C10orf67: variants seen among roughly 807,000 people sequenced by gnomAD.
C10orf67 encodes chromosome 10 open reading frame 67.
Under a neutral mutation model 35.6 loss-of-function variants are expected in C10orf67, and 60 were observed. That is an observed-to-expected ratio of 1.68 (90% CI 1.37 to 2.09). C10orf67 has a LOEUF of 2.09. Among genes scored for constraint, C10orf67 ranks in the 30% most tolerant of loss-of-function variants. The probability of loss-of-function intolerance (pLI) is 0.00; values close to 1 mark genes in which losing one functional copy is unlikely to be tolerated. For synonymous variants in C10orf67, 167 were observed against 115.8 expected (o/e 1.44, Z -2.84); for missense variants, 474 against 330.2 (o/e 1.44, Z -3.38).
intron 4 of C10orf67, among the ~76,000 whole-genome samples, chr10:23,305,370 G>T (rs1844237341): frequency 6.6e-6 from 1 of 152,180 alleles, no homozygotes; most frequent in Admixed American, 6.5e-5. Flanking sequence ...AGGCATGGTG[G>T]CTTGTGTCTA....
Position 23,252,638 on chromosome 10 carries a change from G to T in C10orf67, c.1201-1947C>A, listed in dbSNP as rs937067790. ...TTTTTGAGTGAGGACAGAGCTGCCT[G>T]AAATTTCTCATTTGGGCAAGTAGAT... On this transcript the variant is annotated intron_variant, in intron 10 of 15. Transcript: ENST00000636213. Among the ~76,000 whole-genome samples, 5 of 152,228 alleles carry T rather than the reference G, an allele frequency of 3.3e-5. No homozygotes were observed. In the East Asian group the frequency reaches 9.6e-4, roughly 29 times the overall value.
intron 15 of C10orf67, among the ~76,000 whole-genome samples, chr10:23,213,690 T>C (rs1302134480): frequency 6.6e-6 from 1 of 151,984 alleles, no homozygotes; most frequent in African/African-American, 2.4e-5. Context: ...CATAAACATA[T>C]ACAATAAAAG....
chr10:23,212,600 G>A (rs1330758484), intron 15 of C10orf67, among the ~76,000 whole-genome samples: 1 of 152,138 alleles, frequency 6.6e-6, no homozygotes, highest in Admixed American at 6.5e-5. Context: ...GAAGGTTAGA[G>A]GTCACAAACT....
At chr10:23,341,501 T>C (rs1479885109) in intron 1 of C10orf67, among the ~76,000 whole-genome samples, 4 of 152,228 alleles carry the variant, frequency 2.6e-5, no homozygotes, top group South Asian at 2.1e-4. Context: ...GTCCTCACTA[T>C]AGTCTATTAT....
At position 23,291,337 on chromosome 10, in the gene C10orf67, G is replaced by A. The variant is rs951270244; in HGVS notation, c.703-58C>T. On this transcript the variant is annotated intron_variant, in intron 5 of 15. Transcript: ENST00000636213. Reference sequence around the variant, plus strand: ...GGGAGCCAAGGATTTAAATATGCAAGACAAGGACAATACAGATACAGAAAA... The same window carrying A: ...GGGAGCCAAGGATTTAAATATGCAAAACAAGGACAATACAGATACAGAAAA... 2.7e-5 allele frequency: 18 copies of A among 676,336 alleles called. No individual in the cohort carries two copies. In the Middle Eastern group the frequency reaches 8.4e-4, roughly 32 times the overall value. The allele number at this position is 676,336 out of a possible 1,614,324, so 41.9% of individuals were successfully genotyped here.
intron 2 of C10orf67, among the ~76,000 whole-genome samples, chr10:23,328,993 C>CAAAAAAAAAAAAAAAAAAAAGAAA (rs1845314468): frequency 8.9e-5 from 7 of 78,714 alleles, no homozygotes; most frequent in Admixed American, 1.5e-4. Context: ...CATAAACGAA[C>CAAAAAAAAAAAAAAAAAAAAGAAA]AAAAAAAAAA....
At chr10:23,237,024 T>C (rs1468040022) in intron 13 of C10orf67, among the ~76,000 whole-genome samples, 3 of 152,152 alleles carry the variant, frequency 2.0e-5, no homozygotes, top group Non-Finnish European at 4.4e-5. Context: ...GGTAGTTTTT[T>C]AATCCTCACT....
At chr10:23,279,921 T>C (rs2132232226) in intron 8 of C10orf67, among the ~76,000 whole-genome samples, 1 of 152,242 alleles carries the variant, frequency 6.6e-6, no homozygotes, top group South Asian at 2.1e-4. Flanking sequence ...TACAATCAGC[T>C]CACTGCAGTG....
chr10:23,236,248 CG>C (rs1213138540), intron 13 of C10orf67, among the ~76,000 whole-genome samples: 13 of 87,972 alleles, frequency 1.5e-4, no homozygotes, highest in Admixed American at 5.2e-4. Context: ...GACTCCCTCT[CG>C]GGGGAAAAAA....
chr10:23,334,176 G>A (rs1845585007), intron 1 of C10orf67, among the ~76,000 whole-genome samples: 1 of 152,136 alleles, frequency 6.6e-6, no homozygotes, highest in Non-Finnish European at 1.5e-5. Flanking sequence ...CAAAAAGTTT[G>A]AGAATTGTTT....
At chr10:23,251,395 C>T (rs1359689716) in intron 10 of C10orf67, among the ~76,000 whole-genome samples, 1 of 152,200 alleles carries the variant, frequency 6.6e-6, no homozygotes, top group African/African-American at 2.4e-5. Context: ...TTTCCTCCTT[C>T]TATCAAAACA....
intron 5 of C10orf67, among the ~76,000 whole-genome samples, chr10:23,294,444 T>G (rs1054607322): frequency 6.6e-6 from 1 of 151,732 alleles, no homozygotes; most frequent in Non-Finnish European, 1.5e-5. Context: ...AAGGCTAACC[T>G]CCTTTATAAA....
At position 23,266,418 on chromosome 10, in the gene C10orf67, T is replaced by C. The variant is rs1305662713; in HGVS notation, c.1044A>G (p.Arg348=). 2.5e-6 allele frequency: 1 copy of C among 398,490 alleles called. No homozygotes were observed. Among genetic ancestry groups the C allele is most frequent in the African/African-American group, 2.1e-5 (1 of 48,620 alleles). 24.7% of individuals were successfully genotyped at this position (398,490 alleles called of 1,614,324 possible). A position where few individuals can be genotyped will look rare whatever the true frequency, so the allele number is the denominator to read the frequency against. ...KYGSLSVKVA[R]SAKGREASLS... is the part of the protein sequence containing the mutation. ...AAGAGGCTTCTCTCCCCTTGGCTGA[T>C]CTTGCAACCTGCCACACAAAAAGAC... The change falls in exon 10 of 16, where the codon AGA becomes AGG. Residue 348 remains arginine (R), a synonymous_variant. Transcript: ENST00000636213.
At chr10:23,321,275 G>A (rs757471947) in intron 3 of C10orf67, among the ~76,000 whole-genome samples, 51 of 152,206 alleles carry the variant, frequency 3.4e-4, no homozygotes, top group Non-Finnish European at 6.6e-4. Flanking sequence ...AACAATAGAA[G>A]AGAGTGCATT....
intron 13 of C10orf67, among the ~76,000 whole-genome samples, chr10:23,225,918 A>T (rs1564461012): frequency 6.6e-6 from 1 of 152,110 alleles, no homozygotes; most frequent in Non-Finnish European, 1.5e-5. Flanking sequence ...CACAATAATA[A>T]TGGGAGACTT....
rs1481336147 is a variant in C10orf67 at position 23,333,167 on chromosome 10, A to G, written c.222T>C (p.Asp74=). The part of the protein sequence containing the change: ...MRGSTRLNIS[D]DLKIGFFSTD... ...TGCTGAAAAAGCCAATCTTTAAATC[A>G]TCTGAAATGTTAAGTCTGAAAACAA... The change falls in exon 2 of 16, where the codon GAT becomes GAC. Residue 74 remains aspartate, a synonymous_variant. Transcript: ENST00000636213. The G allele has an allele frequency of 1.2e-6, 2 of 1,603,980 alleles. No individual in the cohort carries two copies. Among genetic ancestry groups the G allele is most frequent in the Non-Finnish European group, 1.7e-6 (2 of 1,173,258 alleles).
chr10:23,303,105 A>G (rs1844146790), intron 5 of C10orf67, among the ~76,000 whole-genome samples, 199 bp downstream of exon 5: 1 of 152,100 alleles, frequency 6.6e-6, no homozygotes, highest in South Asian at 2.1e-4. Context: ...GCTCCTATTC[A>G]TTATATTGCT....
chr10:23,241,285 T>C (rs1295574800), intron 12 of C10orf67, among the ~76,000 whole-genome samples: 2 of 152,204 alleles, frequency 1.3e-5, no homozygotes, highest in Non-Finnish European at 2.9e-5. Context: ...AGTCTACATA[T>C]GGAGAGAAAT....
At chr10:23,229,739 T>C (rs1841853793) in intron 13 of C10orf67, among the ~76,000 whole-genome samples, 1 of 152,054 alleles carries the variant, frequency 6.6e-6, no homozygotes, top group South Asian at 2.1e-4. Flanking sequence ...ATCATGTAAG[T>C]ATAATAGCAT....
Sources: allele counts gnomAD v4.1 joint callset (sites outside exome capture counted in the v4.1 genomes callset), GRCh38; gene constraint gnomAD v4.1.1; transcripts MANE v1.5; gene names NCBI Gene and HGNC (gene_info 2026-07-23, HGNC 2026-07-21).